The following PARD3B variants were observed in gnomAD, a reference collection of about 807,000 sequenced individuals.
PARD3B encodes the protein par-3 family cell polarity regulator beta.
PARD3B carries 103 observed loss-of-function variants against 130.2 expected under a neutral mutation model. The observed-to-expected ratio is 0.79, with a 90% confidence interval of 0.67 to 0.93. The LOEUF (loss-of-function observed/expected upper bound fraction) is 0.93, where lower values mean the gene tolerates loss of function less well. PARD3B is among the 40% of genes least tolerant of loss of function. The probability of loss-of-function intolerance (pLI) is 0.00; values close to 1 mark genes in which losing one functional copy is unlikely to be tolerated. For missense variants in PARD3B, 1,609 were observed against 1,499.2 expected (o/e 1.07, Z -1.21); for synonymous variants, 583 against 553.2 (o/e 1.05, Z -0.76).
At chr2:204,863,809 A>G (rs2045307741) in intron 2 of PARD3B, among the ~76,000 whole-genome samples, 1 of 152,234 alleles carries the variant, frequency 6.6e-6, no homozygotes, top group Non-Finnish European at 1.5e-5. Context: ...GTATTCCCAA[A>G]TAAGTCTTTG....
intron 4 of PARD3B, among the ~76,000 whole-genome samples, chr2:205,083,880 G>T (rs1306526177): frequency 6.6e-6 from 1 of 151,966 alleles, no homozygotes; most frequent in Non-Finnish European, 1.5e-5. Context: ...GCAACACATT[G>T]CCATCTTGTT....
intron 16 of PARD3B, among the ~76,000 whole-genome samples, chr2:205,250,734 G>A (rs1383906971): frequency 1.3e-5 from 2 of 151,930 alleles, no homozygotes; most frequent in Non-Finnish European, 1.5e-5. Flanking sequence ...TTTGAGACCA[G>A]CCTGGACAAC....
In PARD3B at chr2:205,463,333, TG is replaced by T. The variant is rs1341744560; in HGVS notation, c.3044+22662del. Among the ~76,000 whole-genome samples, 3 of 152,006 alleles carry T rather than the reference TG, an allele frequency of 2.0e-5. No individual in the cohort carries two copies. Among genetic ancestry groups the T allele is most frequent in the African/African-American group, 7.2e-5 (3 of 41,388 alleles). On this transcript the variant is annotated intron_variant, in intron 20 of 22. Transcript: ENST00000406610. This position sits in a 1 kb window ranked among gnomAD's most constrained non-coding sequence, Gnocchi z 4.8. ...GAGGAACACGTCCACGAGTTTCCCC[TG>T]TGGGCATCCAGAGTAGCCATGGCCT...
At chr2:204,583,695 A>G (rs1276669228) in intron 1 of PARD3B, among the ~76,000 whole-genome samples, 5 of 151,080 alleles carry the variant, frequency 3.3e-5, no homozygotes, top group African/African-American at 4.9e-5. Flanking sequence ...GTGTCTGAGG[A>G]CCACCTGCGT....
At chr2:205,050,654 T>A (rs1157237235) in intron 4 of PARD3B, among the ~76,000 whole-genome samples, 2 of 151,890 alleles carry the variant, frequency 1.3e-5, no homozygotes, top group African/African-American at 4.8e-5. Context: ...GAAATGATAA[T>A]ATATTAGGTA....
chr2:205,048,848 T>C (rs538843381), intron 4 of PARD3B, among the ~76,000 whole-genome samples: 1 of 152,318 alleles, frequency 6.6e-6, no homozygotes, highest in African/African-American at 2.4e-5. Context: ...CACTAACCTA[T>C]TTAAAACTCT....
At chr2:205,119,500 G>C (rs1318152238) in intron 7 of PARD3B, among the ~76,000 whole-genome samples, 3 of 152,134 alleles carry the variant, frequency 2.0e-5, no homozygotes, top group Non-Finnish European at 4.4e-5. Flanking sequence ...ACCGTCTCCT[G>C]GCCAGGCGGA....
chr2:204,588,985 A>G (rs1250902155), intron 1 of PARD3B, among the ~76,000 whole-genome samples: 1 of 149,994 alleles, frequency 6.7e-6, no homozygotes, highest in Non-Finnish European at 1.5e-5. Context: ...AGGATGCCAC[A>G]TTAAAAAAAA....
rs1167806116 is a variant in PARD3B at position 205,253,996 on chromosome 2, G to T, written c.2185+8174G>T. Among the ~76,000 whole-genome samples, 1 of 150,800 alleles carries T rather than the reference G, an allele frequency of 6.6e-6. No individual in the cohort carries two copies. On this transcript the variant is annotated intron_variant, in intron 16 of 22. Coordinates refer to ENST00000406610, the MANE Select transcript of PARD3B (RefSeq NM_001302769.2). This position sits in a 1 kb window ranked among gnomAD's most constrained non-coding sequence, Gnocchi z 4.4. ...TGGAAGGATAGTTGGACTCAAGAAG[G>T]CAAGGTAGAAGAGTCTAGGATAGAG... is the stretch of plus-strand genomic sequence containing the variant.
At chr2:204,631,831 A>G (rs578179361) in intron 1 of PARD3B, among the ~76,000 whole-genome samples, 28 of 152,256 alleles carry the variant, frequency 1.8e-4, no homozygotes, top group African/African-American at 6.3e-4. Flanking sequence ...TGCTTTTCTG[A>G]AAAGGATCTT....
chr2:205,423,591 G>A (rs1219013966), intron 19 of PARD3B, among the ~76,000 whole-genome samples: 1 of 152,144 alleles, frequency 6.6e-6, no homozygotes, highest in Non-Finnish European at 1.5e-5. Flanking sequence ...AGCCTAATAA[G>A]CACCATAGAA....
intron 20 of PARD3B, among the ~76,000 whole-genome samples, chr2:205,497,320 G>A (rs1413940082): frequency 2.0e-5 from 3 of 151,616 alleles, no homozygotes; most frequent in Non-Finnish European, 4.4e-5. Flanking sequence ...AACCCTGTGC[G>A]AACTGTCAGG....
rs2040395766 is a variant in PARD3B, at chr2:205,263,523, A to G, written c.2185+17701A>G. ...CAATTATATGACCACATGCAAAAAG[A>G]AAAGAAAAAATAACCTCCGTCTATA... is the stretch of plus-strand genomic sequence containing the variant. On this transcript the variant is annotated intron_variant, in intron 16 of 22. Coordinates refer to ENST00000406610, the MANE Select transcript of PARD3B (RefSeq NM_001302769.2). The surrounding 1 kb of genome is among the most constrained non-coding windows in gnomAD (Gnocchi z 4.0). Among the ~76,000 whole-genome samples, 2 of 151,244 alleles carry G rather than the reference A, an allele frequency of 1.3e-5. No homozygotes were observed. The highest frequency in any genetic ancestry group is 1.3e-4 in the Admixed American group (2 of 15,142).
chr2:204,869,929 G>A (rs967221789), intron 2 of PARD3B, among the ~76,000 whole-genome samples: 2 of 152,110 alleles, frequency 1.3e-5, no homozygotes, highest in African/African-American at 4.8e-5. Context: ...GTGATATCCA[G>A]TCAATTACCA....
chr2:204,904,378 T>G (rs974472041), intron 2 of PARD3B, among the ~76,000 whole-genome samples: 1 of 152,200 alleles, frequency 6.6e-6, no homozygotes, highest in African/African-American at 2.4e-5. Flanking sequence ...AAACCTAACC[T>G]GTTAATAATC....
chr2:205,479,542 AGG>A (rs2049148320), intron 20 of PARD3B, among the ~76,000 whole-genome samples: 1 of 152,224 alleles, frequency 6.6e-6, no homozygotes, highest in African/African-American at 2.4e-5. Flanking sequence ...GCTTTCCTCC[AGG>A]AAGGGTTCAT....
At chr2:205,311,530 G>T (rs761417233) in intron 18 of PARD3B, among the ~76,000 whole-genome samples, 10 of 152,090 alleles carry the variant, frequency 6.6e-5, no homozygotes, top group Non-Finnish European at 1.3e-4. Flanking sequence ...AGACAGCCAA[G>T]ACCGTCAAAT....
chr2:204,605,131 T>G (rs1232778107), intron 1 of PARD3B, among the ~76,000 whole-genome samples: 1 of 152,174 alleles, frequency 6.6e-6, no homozygotes, highest in South Asian at 2.1e-4. Flanking sequence ...GCTGCAAGGC[T>G]TCTTGTGACC....
intron 18 of PARD3B, among the ~76,000 whole-genome samples, chr2:205,350,875 A>G (rs2043971847): frequency 2.0e-5 from 3 of 152,194 alleles, no homozygotes; most frequent in Admixed American, 1.3e-4. Flanking sequence ...TTGAAAAAGT[A>G]TATTCTTGAC....
Sources: allele counts gnomAD v4.1 joint callset (sites outside exome capture counted in the v4.1 genomes callset), GRCh38; gene constraint gnomAD v4.1.1; non-coding constraint Gnocchi (gnomAD v3.1); transcripts MANE v1.5; gene names NCBI Gene and HGNC (gene_info 2026-07-23, HGNC 2026-07-21).